NAV3: variants seen among roughly 807,000 people sequenced by gnomAD.
NAV3 encodes pore membrane and/or filament interacting like protein 1.
NAV3 carries 87 observed loss-of-function variants against 244.7 expected under a neutral mutation model. The observed-to-expected ratio is 0.36, with a 90% CI of 0.30 to 0.42. The LOEUF (loss-of-function observed/expected upper bound fraction) is 0.42. NAV3 is among the 20% of genes least tolerant of loss of function. The pLI is 1.00. For synonymous variants in NAV3, 1,126 were observed against 1,042.2 expected (o/e 1.08, Z -1.55); for missense variants, 2,663 against 2,893.3 (o/e 0.92, Z 1.83).
chr12:77,778,748 A>G (rs1328109817), intron 2 of NAV3, among the ~76,000 whole-genome samples: 1 of 152,186 alleles, frequency 6.6e-6, no homozygotes. Context: ...TTAAGGGAAG[A>G]GTTGTCAATC....
At chr12:77,735,145 A>G (rs1325225636) in intron 2 of NAV3, among the ~76,000 whole-genome samples, 1 of 152,280 alleles carries the variant, frequency 6.6e-6, no homozygotes, top group African/African-American at 2.4e-5. Context: ...ATTTATGTAC[A>G]GTAGAATGAA....
intron 12 of NAV3, among the ~76,000 whole-genome samples, chr12:78,098,957 T>TG (rs1954398587): frequency 6.8e-6 from 1 of 146,830 alleles, no homozygotes; most frequent in South Asian, 2.1e-4. Flanking sequence ...TATCCAGGGT[T>TG]TTTTTTTTTT....
chr12:77,940,953 CAG>C (rs1373128476), intron 2 of NAV3, 126 bp from the exon 3 acceptor site: 1 of 631,126 alleles, frequency 1.6e-6, no homozygotes, highest in Non-Finnish European at 2.8e-6. Context: ...GCTTGGAAGA[CAG>C]AATATATGTA....
chr12:77,685,842 A>G (rs1874716440), intron 2 of NAV3, among the ~76,000 whole-genome samples: 1 of 152,258 alleles, frequency 6.6e-6, no homozygotes, highest in African/African-American at 2.4e-5. Context: ...AAATTTAAAC[A>G]CAATGAATAC....
intron 18 of NAV3, among the ~76,000 whole-genome samples, chr12:78,133,377 T>C (rs1188579265): frequency 6.6e-6 from 1 of 151,250 alleles, no homozygotes; most frequent in African/African-American, 2.4e-5. Context: ...TAAATTAAAG[T>C]TACTTTATTA....
At chr12:78,008,839 G>A (rs1874713241) in intron 8 of NAV3, among the ~76,000 whole-genome samples, 1 of 152,098 alleles carries the variant, frequency 6.6e-6, no homozygotes, top group Admixed American at 6.5e-5. Context: ...GGAGTCTGCA[G>A]CTCCTTCTGA....
At chr12:77,665,779 A>G (rs940242308) in intron 2 of NAV3, among the ~76,000 whole-genome samples, 4 of 152,208 alleles carry the variant, frequency 2.6e-5, no homozygotes, top group Admixed American at 6.5e-5. Flanking sequence ...AAGAGGGCAC[A>G]CTGTGATCCC....
intron 2 of NAV3, among the ~76,000 whole-genome samples, chr12:77,585,616 C>T (rs755900838): frequency 2.0e-5 from 3 of 152,070 alleles, no homozygotes; most frequent in Non-Finnish European, 4.4e-5. Flanking sequence ...AACGTAGATC[C>T]CTTGCATGTA....
chr12:77,705,048 G>A (rs1353250501), intron 2 of NAV3, among the ~76,000 whole-genome samples: 1 of 152,168 alleles, frequency 6.6e-6, no homozygotes, highest in Non-Finnish European at 1.5e-5. Context: ...TTTTAGCTCT[G>A]AGAGAATATG....
intron 2 of NAV3, among the ~76,000 whole-genome samples, chr12:77,675,312 G>A (rs765670802): frequency 6.6e-6 from 1 of 152,148 alleles, no homozygotes; most frequent in Non-Finnish European, 1.5e-5. Flanking sequence ...GACGGGCTAG[G>A]CAAGTCAACA....
At chr12:77,870,973 C>A (rs1408192781) in intron 1 of NAV3, among the ~76,000 whole-genome samples, 1 of 152,152 alleles carries the variant, frequency 6.6e-6, no homozygotes, top group Non-Finnish European at 1.5e-5. Flanking sequence ...TGTACACATG[C>A]ATGCACAGGC....
At chr12:77,900,512 T>C (rs899641311) in intron 1 of NAV3, among the ~76,000 whole-genome samples, 1 of 152,196 alleles carries the variant, frequency 6.6e-6, no homozygotes, top group South Asian at 2.1e-4. Context: ...ACTAAGTAGA[T>C]GATTTCATTA....
intron 2 of NAV3, among the ~76,000 whole-genome samples, chr12:77,615,334 A>C (rs1221574489): frequency 1.3e-5 from 2 of 152,004 alleles, no homozygotes; most frequent in Non-Finnish European, 1.5e-5. Context: ...TTGGTGTAAA[A>C]ATGACCTCAT....
At chr12:77,655,894 G>C (rs1873075730) in intron 2 of NAV3, among the ~76,000 whole-genome samples, 1 of 147,010 alleles carries the variant, frequency 6.8e-6, no homozygotes, top group South Asian at 2.1e-4. Context: ...ATTCTTTGCA[G>C]ACAAGCAAAT....
chr12:78,189,816 T>G lies in NAV3; in HGVS notation c.6056-168T>G, dbSNP rs1015335390. On this transcript the variant is annotated intron_variant, in intron 33 of 39. Transcript: ENST00000397909. ...ACTCTGCCATATTACTGATATATTTTCTTCCTTGAAATGGCAACGCATATT... is the reference window on the plus strand; with the variant it reads ...ACTCTGCCATATTACTGATATATTTGCTTCCTTGAAATGGCAACGCATATT... 5.3e-5 allele frequency among the ~76,000 whole-genome samples: 8 copies of G among 151,946 alleles called. No individual in the cohort carries two copies. In the South Asian group the frequency reaches 8.3e-4, roughly 16 times the overall value.
At chr12:77,588,466 C>A (rs974327198) in intron 2 of NAV3, among the ~76,000 whole-genome samples, 3 of 152,012 alleles carry the variant, frequency 2.0e-5, no homozygotes, top group Admixed American at 2.0e-4. Flanking sequence ...TAGGAATAAC[C>A]CCGTGGGGCA....
chr12:77,987,125 G>A (rs1270078955), intron 5 of NAV3, among the ~76,000 whole-genome samples: 1 of 151,956 alleles, frequency 6.6e-6, no homozygotes, highest in Non-Finnish European at 1.5e-5. Context: ...CTGTCAAATG[G>A]TATATTTTGA....
chr12:77,855,820 C>G (rs1015151142), intron 1 of NAV3, among the ~76,000 whole-genome samples: 1 of 152,188 alleles, frequency 6.6e-6, no homozygotes, highest in African/African-American at 2.4e-5. Context: ...ATTGCAGATA[C>G]GTGAGTGAGC....
At chr12:77,803,518 A>G (rs1871822964) in intron 2 of NAV3, among the ~76,000 whole-genome samples, 2 of 152,118 alleles carry the variant, frequency 1.3e-5, no homozygotes. Context: ...TTCTTTATCC[A>G]GTCTGTCATT....
Sources: allele counts gnomAD v4.1 joint callset (sites outside exome capture counted in the v4.1 genomes callset), GRCh38; gene constraint gnomAD v4.1.1; transcripts MANE v1.5; gene names NCBI Gene and HGNC (gene_info 2026-07-23, HGNC 2026-07-21).